Variants in UBN2 observed in about 807,000 individuals in gnomAD.
UBN2 encodes the protein ubinuclein 2.
Under a neutral mutation model 120.2 loss-of-function variants are expected in UBN2, and 35 were observed. That is an observed-to-expected ratio of 0.29 (90% CI 0.22 to 0.39). UBN2 has a LOEUF of 0.39. UBN2 is among the 10% of genes least tolerant of loss of function. UBN2 has a pLI of 1.00. For synonymous variants in UBN2, 661 were observed against 648.7 expected (o/e 1.02, Z -0.29); for missense variants, 1,693 against 1,663.2 (o/e 1.02, Z -0.31).
chr7:139,287,516 C>T (rs889178974), intron 15 of UBN2, among the ~76,000 whole-genome samples: 3 of 152,098 alleles, frequency 2.0e-5, no homozygotes, highest in Non-Finnish European at 4.4e-5. Flanking sequence ...CAAAAGAACC[C>T]CTATACTGTC....
chr7:139,272,563 G>A (rs546172338), intron 9 of UBN2, 123 bp downstream of exon 9: 67 of 725,008 alleles, frequency 9.2e-5, no homozygotes, highest in Non-Finnish European at 1.3e-4. Context: ...ATCTCAGTCT[G>A]TTGCCCAGGC....
chr7:139,316,450 G>T, the UBN2 span, among the ~76,000 whole-genome samples: 2 of 152,038 alleles, frequency 1.3e-5, no homozygotes, highest in Non-Finnish European at 2.9e-5. Flanking sequence ...AATTTTCTAG[G>T]TTCTTTTCCT....
intron 1 of UBN2, among the ~76,000 whole-genome samples, chr7:139,234,807 A>G (rs1410444471): frequency 6.6e-6 from 1 of 152,250 alleles, no homozygotes; most frequent in Non-Finnish European, 1.5e-5. Flanking sequence ...TAACTATACT[A>G]TTTGAGAATT....
chr7:139,274,043 C>T lies in UBN2; in HGVS notation c.1942C>T (p.Pro648Ser). Residue 648 changes from proline to serine, a missense_variant, in exon 11 of 18, where the codon CCC becomes TCC. Coordinates refer to ENST00000473989, the MANE Select transcript of UBN2 (RefSeq NM_173569.4). Reference sequence around the variant, plus strand: ...GTCTTTTATGGAGACAGAAGTGAAGCCCCTGTGGCCTAAGGGCTGGATGCA... The same window carrying T: ...GTCTTTTATGGAGACAGAAGTGAAGTCCCTGTGGCCTAAGGGCTGGATGCA... Reference protein sequence around the residue: ...LKSFMETEVKPLWPKGWMQAR... With the variant: ...LKSFMETEVKSLWPKGWMQAR... The T allele has an allele frequency of 6.2e-7, 1 of 1,608,416 alleles. No individual in the cohort carries two copies. The highest frequency in any genetic ancestry group is 8.5e-7 in the Non-Finnish European group (1 of 1,178,560).
chr7:139,281,398 A>G (rs1225772190), intron 13 of UBN2, among the ~76,000 whole-genome samples: 1 of 152,180 alleles, frequency 6.6e-6, no homozygotes, highest in East Asian at 1.9e-4. Context: ...AAGTAAAAGT[A>G]TCTATAAATT....
At chr7:139,315,910 C>G in the UBN2 span, among the ~76,000 whole-genome samples, 1 of 151,834 alleles carries the variant, frequency 6.6e-6, no homozygotes, top group Non-Finnish European at 1.5e-5. Flanking sequence ...AACCCCATCT[C>G]TACTAAAAAC....
intron 15 of UBN2, among the ~76,000 whole-genome samples, chr7:139,292,514 T>C (rs765753473): frequency 3.9e-5 from 6 of 152,142 alleles, no homozygotes; most frequent in Admixed American, 6.5e-5. Flanking sequence ...AAAACCCGCT[T>C]TCAGGAGTTA....
chr7:139,258,675 A>AT (rs767796665), intron 4 of UBN2, 50 bp downstream of exon 4: 98 of 1,458,564 alleles, frequency 6.7e-5, no homozygotes, highest in South Asian at 1.7e-4. Flanking sequence ...AATTAATAGG[A>AT]TTTTTTTTAA....
chr7:139,269,387 TGGCCAGCA>T lies in UBN2; in HGVS notation c.1467-6_1468del. The stretch of plus-strand genomic sequence containing the variant: ...TACTGTTCATTGTTGTTAACTTTTT[TGGCCAGCA>T]TTGAGTTACAGCTACAAGAACTAGG... On this transcript the variant is annotated splice_acceptor_variant and splice_polypyrimidine_tract_variant and coding_sequence_variant and intron_variant, in exon 8 of 18. Transcript: ENST00000473989. LOFTEE classifies it high-confidence loss of function. 1 of 1,612,940 alleles carries T rather than the reference TGGCCAGCA, an allele frequency of 6.2e-7. No homozygotes were observed. Among genetic ancestry groups the T allele is most frequent in the Non-Finnish European group, 8.5e-7 (1 of 1,179,674 alleles).
chr7:139,242,714 C>G (rs909465872), intron 2 of UBN2, among the ~76,000 whole-genome samples: 1 of 152,092 alleles, frequency 6.6e-6, no homozygotes, highest in African/African-American at 2.4e-5. Flanking sequence ...TCTTTAATGC[C>G]TTAGGAACAA....
chr7:139,278,506 A>C (rs7795988), intron 12 of UBN2, among the ~76,000 whole-genome samples: 3,011 of 151,792 alleles, frequency 0.02, 105 homozygotes, highest in African/African-American at 0.068. Flanking sequence ...AAATAGCTTC[A>C]TTATTATCAT....
At chr7:139,269,627 G>A (rs1797202257) in intron 8 of UBN2, 104 bp downstream of exon 8, 2 of 1,259,616 alleles carry the variant, frequency 1.6e-6, no homozygotes, top group Non-Finnish European at 2.2e-6. Flanking sequence ...TAGTCATATT[G>A]TATGTATTTA....
intron 15 of UBN2, among the ~76,000 whole-genome samples, chr7:139,285,955 G>A (rs1288522808): frequency 6.6e-6 from 1 of 151,868 alleles, no homozygotes; most frequent in Admixed American, 6.6e-5. Flanking sequence ...TTGAGACGGA[G>A]TCTTCTCTGT....
rs369652755 is a variant in UBN2 at position 139,283,499 on chromosome 7, C to T, written c.2594C>T (p.Pro865Leu). 4.5e-5 allele frequency: 72 copies of T among 1,614,112 alleles called. No individual in the cohort carries two copies. In the East Asian group the frequency reaches 8.2e-4, roughly 18 times the overall value. The change falls in exon 15 of 18, where the codon CCT (proline) becomes CTT (leucine). Residue 865 changes from proline to leucine, a missense_variant. By Grantham distance (98) the Pro-to-Leu change is moderately conservative. This residue lies in a region of UBN2 where 837 missense variants were observed against 817.6 expected (regional missense o/e 1.02). Transcript: ENST00000473989. ...ATTGCTGGTTCTTCCATTCAGAACC[C>T]TAAAGTTTCTTTAGAACCTTTGCCA... ...GLIAGSSIQN[P>L]KVSLEPLPAR...
intron 6 of UBN2, among the ~76,000 whole-genome samples, chr7:139,262,444 C>T (rs1393868122): frequency 1.3e-5 from 2 of 152,110 alleles, no homozygotes; most frequent in African/African-American, 4.8e-5. Flanking sequence ...GGCATGGTGG[C>T]ACATGCATGT....
At position 139,255,121 on chromosome 7, in the gene UBN2, C is replaced by G. The variant is rs181176712; in HGVS notation, c.663+3064C>G. ...CTGCCTATTCATTCCTCCTTCCCTCCTAATCACTGGCACCTACTGGTCTTA... is the reference window on the plus strand; with the variant it reads ...CTGCCTATTCATTCCTCCTTCCCTCGTAATCACTGGCACCTACTGGTCTTA... On this transcript the variant is annotated intron_variant, in intron 3 of 17. Coordinates refer to ENST00000473989, the MANE Select transcript of UBN2 (RefSeq NM_173569.4). Among the ~76,000 whole-genome samples, 48 of 152,314 alleles carry G rather than the reference C, an allele frequency of 3.2e-4. 1 individual carries two copies. In the East Asian group the frequency reaches 7.9e-3, roughly 25 times the overall value.
In UBN2 at chr7:139,261,561, T is replaced by C; in HGVS notation, c.1215T>C (p.Asp405=). 1 of 1,614,170 alleles carries C rather than the reference T, an allele frequency of 6.2e-7. No homozygotes were observed. Among genetic ancestry groups the C allele is most frequent in the Non-Finnish European group, 8.5e-7 (1 of 1,180,028 alleles). The part of the protein sequence containing the change: ...EAENALEMLD[D]FDFDRLLDAA... ...AAAATGCCCTAGAGATGCTAGATGA[T>C]TTTGACTTCGACAGATTACTGGATG... is the stretch of plus-strand genomic sequence containing the variant. Residue 405 remains aspartate, a synonymous_variant, in exon 6 of 18, where the codon GAT becomes GAC. Transcript: ENST00000473989.
At chr7:139,267,063 C>A (rs956529139) in intron 7 of UBN2, among the ~76,000 whole-genome samples, 3 of 152,150 alleles carry the variant, frequency 2.0e-5, no homozygotes, top group Non-Finnish European at 4.4e-5. Flanking sequence ...ATAAACTGAA[C>A]TTATAAACCT....
Position 139,283,681 on chromosome 7 carries a change from G to A in UBN2, c.2776G>A (p.Val926Ile). Residue 926 changes from valine to isoleucine, a missense_variant, in exon 15 of 18, where the codon GTA becomes ATA. Physicochemically the swap from Val to Ile is conservative, Grantham distance 29. This residue lies in a region of UBN2 where 837 missense variants were observed against 817.6 expected (regional missense o/e 1.02). Transcript: ENST00000473989. ...EAQDASSLTQVTKVHQHSAVQ... is the reference protein window; with the variant it reads ...EAQDASSLTQITKVHQHSAVQ... ...CCAAGATGCTTCTTCGTTAACACAAGTAACAAAGGTGCACCAGCATTCAGC... is the reference window on the plus strand; with the variant it reads ...CCAAGATGCTTCTTCGTTAACACAAATAACAAAGGTGCACCAGCATTCAGC... 2 of 1,614,118 alleles carry A rather than the reference G, an allele frequency of 1.2e-6. No individual in the cohort carries two copies. The highest frequency in any genetic ancestry group is 1.7e-6 in the Non-Finnish European group (2 of 1,180,026).
Sources: allele counts gnomAD v4.1 joint callset (sites outside exome capture counted in the v4.1 genomes callset), GRCh38; gene constraint gnomAD v4.1.1; regional missense constraint gnomAD v4.1.1; transcripts MANE v1.5; gene names NCBI Gene and HGNC (gene_info 2026-07-23, HGNC 2026-07-21).